LIPK: variants seen among roughly 807,000 people sequenced by gnomAD.
LIPK encodes the protein lipase member K.
Under a neutral mutation model 48.6 loss-of-function variants are expected in LIPK, and 32 were observed. That is an observed-to-expected ratio of 0.66 (90% CI 0.50 to 0.88). The LOEUF is 0.88. Among genes scored for constraint, LIPK ranks in the 40% least tolerant of loss-of-function variants. The pLI is 0.00. For missense variants in LIPK, 507 were observed against 478.5 expected, an observed-to-expected ratio of 1.06 and a Z score of -0.56; for synonymous variants, 164 against 157.4, an observed-to-expected ratio of 1.04 and a Z score of -0.32.
intron 3 of LIPK, among the ~76,000 whole-genome samples, chr10:88,729,451 G>A (rs1160518320): frequency 6.6e-6 from 1 of 152,156 alleles, no homozygotes; most frequent in African/African-American, 2.4e-5. Flanking sequence ...TGGCTTTACA[G>A]AGCCAATTAT....
chr10:88,720,188 T>G (rs1218833738), intron 1 of LIPK, among the ~76,000 whole-genome samples: 2 of 152,222 alleles, frequency 1.3e-5, no homozygotes, highest in Non-Finnish European at 2.9e-5. Flanking sequence ...TCCACTGTCA[T>G]GTAGAGCATC....
At chr10:88,719,117 A>G (rs1483707964) in intron 1 of LIPK, among the ~76,000 whole-genome samples, 1 of 152,204 alleles carries the variant, frequency 6.6e-6, no homozygotes, top group Non-Finnish European at 1.5e-5. Context: ...ATCTGAAATA[A>G]TCACAGAAGT....
At chr10:88,723,998 T>G (rs1470137953) in intron 1 of LIPK, among the ~76,000 whole-genome samples, 1 of 152,166 alleles carries the variant, frequency 6.6e-6, no homozygotes, top group African/African-American at 2.4e-5. Flanking sequence ...AAGAAATAAT[T>G]TTATACCCAG....
At chr10:88,728,504 T>C in intron 3 of LIPK, 1 of 256,450 alleles carries the variant, frequency 3.9e-6, no homozygotes, top group South Asian at 4.3e-5. Flanking sequence ...GAGTCCGCCA[T>C]TAAGGACTCA....
intron 1 of LIPK, among the ~76,000 whole-genome samples, chr10:88,712,440 A>G (rs1243974158): frequency 1.3e-5 from 2 of 152,198 alleles, no homozygotes; most frequent in Non-Finnish European, 2.9e-5. Context: ...CAGCAAATCC[A>G]TACTGTGGAC....
At chr10:88,741,628 C>A (rs1321531824) in intron 8 of LIPK, among the ~76,000 whole-genome samples, 6 of 151,972 alleles carry the variant, frequency 3.9e-5, no homozygotes, top group African/African-American at 1.5e-4. Context: ...TGGTGGGGGG[C>A]ATGGTGAATA....
At chr10:88,707,488 T>C (rs1233420078) in intron 1 of LIPK, among the ~76,000 whole-genome samples, 1 of 152,184 alleles carries the variant, frequency 6.6e-6, no homozygotes, top group East Asian at 1.9e-4. Context: ...ACAAGTGTTT[T>C]GTCCTTCATA....
chr10:88,729,708 T>C (rs436861), intron 3 of LIPK, among the ~76,000 whole-genome samples: 2 of 152,136 alleles, frequency 1.3e-5, no homozygotes, highest in South Asian at 2.1e-4. Context: ...TAGTAACACC[T>C]CTTCTTTCCC....
intron 6 of LIPK, among the ~76,000 whole-genome samples, chr10:88,733,179 A>C (rs954231721): frequency 6.6e-6 from 1 of 152,302 alleles, no homozygotes; most frequent in Middle Eastern, 3.4e-3. Flanking sequence ...ACCTTGTTTC[A>C]TTTCCTGACA....
intron 1 of LIPK, among the ~76,000 whole-genome samples, chr10:88,719,029 T>C (rs951793366): frequency 6.6e-6 from 1 of 152,168 alleles, no homozygotes. Flanking sequence ...ACGAAGTATT[T>C]GTATTTATAA....
In LIPK at chr10:88,735,455, C is replaced by T. The variant is rs191624386; in HGVS notation, c.670-2180C>T. 2.5e-3 allele frequency among the ~76,000 whole-genome samples: 385 copies of T among 152,302 alleles called. 3 individuals are homozygous for T. Among genetic ancestry groups the T allele is most frequent in the African/African-American group, 8.8e-3 (367 of 41,572 alleles). On this transcript the variant is annotated intron_variant, in intron 6 of 9. Transcript: ENST00000404190. ...GTCACCCAGCTAATGGACGGCAGAG[C>T]GAGAATTTGAACCCAGATCTGACCA...
At chr10:88,725,327 C>CA (rs2134718555) in intron 2 of LIPK, among the ~76,000 whole-genome samples, 1 of 152,302 alleles carries the variant, frequency 6.6e-6, no homozygotes, top group South Asian at 2.1e-4. Context: ...CTGTTGAACT[C>CA]ACATAATTTT....
rs1407494538 is a variant in LIPK, at chr10:88,706,286, G to A, written c.-46G>A. On this transcript the variant is annotated 5_prime_UTR_variant, in exon 1 of 10. Transcript: ENST00000404190. ...ATCTGGAATGCACCTGAAGCTCCCA[G>A]GACTTGAAGACAGACCTCCAAAGAC... Among the ~76,000 whole-genome samples, 1 of 152,146 alleles carries A rather than the reference G, an allele frequency of 6.6e-6. No individual in the cohort carries two copies. The highest frequency in any genetic ancestry group is 1.9e-4 in the East Asian group (1 of 5,198).
At chr10:88,706,980 C>A (rs1467709428) in intron 1 of LIPK, among the ~76,000 whole-genome samples, 2 of 151,962 alleles carry the variant, frequency 1.3e-5, no homozygotes. Context: ...AATTGCAGAC[C>A]TGATTGGAAG....
intron 2 of LIPK, among the ~76,000 whole-genome samples, chr10:88,726,161 C>T (rs1842334072): frequency 6.6e-6 from 1 of 152,114 alleles, no homozygotes; most frequent in Non-Finnish European, 1.5e-5. Flanking sequence ...CCTGTGGTTT[C>T]CCTCATTAGA....
chr10:88,728,775 A>T, intron 3 of LIPK: 1 of 214,058 alleles, frequency 4.7e-6, no homozygotes, highest in South Asian at 5.9e-5. Context: ...TATGGCCTGG[A>T]CTTCTTCCAG....
intron 1 of LIPK, among the ~76,000 whole-genome samples, chr10:88,711,297 T>C (rs1018421805): frequency 1.3e-5 from 2 of 152,112 alleles, no homozygotes; most frequent in Non-Finnish European, 2.9e-5. Flanking sequence ...TGTTTTGCTA[T>C]ATATATATGT....
chr10:88,734,431 T>C (rs941450232), intron 6 of LIPK, among the ~76,000 whole-genome samples: 1 of 152,094 alleles, frequency 6.6e-6, no homozygotes, highest in Non-Finnish European at 1.5e-5. Flanking sequence ...AAGGAGAGTA[T>C]GAGAAATCAT....
chr10:88,743,093 T>C (rs1261888881), intron 8 of LIPK, among the ~76,000 whole-genome samples, 157 bp from the exon 9 acceptor site: 7 of 152,222 alleles, frequency 4.6e-5, no homozygotes, highest in Non-Finnish European at 1.5e-5. Flanking sequence ...ATAAGATTTA[T>C]CATTTTTATT....
Sources: allele counts gnomAD v4.1 joint callset (sites outside exome capture counted in the v4.1 genomes callset), GRCh38; gene constraint gnomAD v4.1.1; transcripts MANE v1.5; gene names NCBI Gene and HGNC (gene_info 2026-07-23, HGNC 2026-07-21).